GPI: variants seen among roughly 807,000 people sequenced by gnomAD.
GPI encodes glucose-6-phosphate isomerase, also known as D-hexose-6-phosphate anomerase.
Under a neutral mutation model 75.8 loss-of-function variants are expected in GPI, and 56 were observed. That is an observed-to-expected ratio of 0.74 (90% CI 0.60 to 0.92). The LOEUF is 0.92. Ranked by LOEUF, GPI falls within the 40% of genes least tolerant of loss-of-function variation. The probability of loss-of-function intolerance (pLI) is 0.00; values close to 1 mark genes in which losing one functional copy is unlikely to be tolerated. For missense variants in GPI, 638 were observed against 741.0 expected (o/e 0.86, Z 1.61); for synonymous variants, 288 against 285.4 (o/e 1.01, Z -0.09).
chr19:34,374,597 A>G (rs2074504836), intron 4 of GPI, among the ~76,000 whole-genome samples: 1 of 152,178 alleles, frequency 6.6e-6, no homozygotes, highest in African/African-American at 2.4e-5. Flanking sequence ...GTTCCTTTCA[A>G]TCTGAAGACA....
chr19:34,367,194 A>G (rs1271655048), intron 3 of GPI: 1 of 395,640 alleles, frequency 2.5e-6, no homozygotes, highest in Admixed American at 3.5e-5. Flanking sequence ...ATCTTAGATC[A>G]CCAAAGACTT....
chr19:34,366,910 C>A, intron 3 of GPI, 59 bp downstream of exon 3: 2 of 1,217,452 alleles, frequency 1.6e-6, no homozygotes, highest in Non-Finnish European at 2.4e-6. Context: ...GTTTATCTGA[C>A]TGTTAGCCGC....
At chr19:34,382,802 T>G (rs941496427) in intron 9 of GPI, among the ~76,000 whole-genome samples, 3 of 152,134 alleles carry the variant, frequency 2.0e-5, no homozygotes, top group African/African-American at 7.2e-5. Context: ...CTAGGAATGA[T>G]AGCTGGACAC....
chr19:34,365,615 G>C, intron 1 of GPI: 1 of 750,500 alleles, frequency 1.3e-6, no homozygotes, highest in Admixed American at 2.1e-5. Flanking sequence ...GGTCTGCTTC[G>C]TTACGAGGAA....
chr19:34,389,093 TAAAAAAA>T (rs879353746), intron 9 of GPI, among the ~76,000 whole-genome samples: 1 of 147,166 alleles, frequency 6.8e-6, no homozygotes, highest in African/African-American at 2.5e-5. Context: ...CCCTGTCTCT[TAAAAAAA>T]AAAGAAAAAA....
At chr19:34,361,292 C>G (rs1352734574), upstream of GPI, among the ~76,000 whole-genome samples, 1 of 152,008 alleles carries the variant, frequency 6.6e-6, no homozygotes, top group African/African-American at 2.4e-5. Flanking sequence ...GGGGGTTTCA[C>G]CATGTTGCTC....
At chr19:34,367,625 C>T (rs373434479) in intron 3 of GPI, among the ~76,000 whole-genome samples, 2 of 152,202 alleles carry the variant, frequency 1.3e-5, no homozygotes, top group Non-Finnish European at 2.9e-5. Context: ...TGATCCTTTT[C>T]CTGCCCACCT....
At position 34,400,583 on chromosome 19, in the gene GPI, TTG is replaced by T; in HGVS notation, c.*548_*549del. ...CTCCTCACCTCTGTGACTGCAGAAA[TTG>T]GATACTCTGTTCACTCGATGGTTCT... On this transcript the variant is annotated 3_prime_UTR_variant, in exon 18 of 18. Coordinates refer to ENST00000356487, the MANE Select transcript of GPI (RefSeq NM_000175.5). 6 of 430,720 alleles carry T rather than the reference TTG, an allele frequency of 1.4e-5. No individual in the cohort carries two copies. The highest frequency in any genetic ancestry group is 2.0e-5 in the Non-Finnish European group (5 of 244,252). 26.7% of individuals were successfully genotyped at this position (430,720 alleles called of 1,614,324 possible). A position where few individuals can be genotyped will look rare whatever the true frequency, so the allele number is the denominator to read the frequency against.
chr19:34,376,051 G>A lies in GPI; in HGVS notation c.403-1452G>A, dbSNP rs1048613228. Among the ~76,000 whole-genome samples, 3 of 152,210 alleles carry A rather than the reference G, an allele frequency of 2.0e-5. No homozygotes were observed. The South Asian group carries it at 6.2e-4, about 32-fold the overall frequency. ...TTTTGCAAATTCTGACAGTGTCGCT[G>A]TAAGGTAGGGATGTCTCACTGTTGT... On this transcript the variant is annotated intron_variant, in intron 4 of 17. Transcript: ENST00000356487.
chr19:34,390,253 C>T (rs1345040851), intron 9 of GPI, among the ~76,000 whole-genome samples: 1 of 140,920 alleles, frequency 7.1e-6, no homozygotes, highest in Non-Finnish European at 1.6e-5. Context: ...AGGCACTGGG[C>T]CACTGTTCAA....
chr19:34,381,133 C>G, intron 8 of GPI: 1 of 426,352 alleles, frequency 2.3e-6, no homozygotes, highest in African/African-American at 2.0e-5. Flanking sequence ...GTATCATGCT[C>G]TGGTGTCCCA....
chr19:34,395,824 G>A (rs1401120015), intron 12 of GPI, among the ~76,000 whole-genome samples: 1 of 152,176 alleles, frequency 6.6e-6, no homozygotes, highest in East Asian at 1.9e-4. Context: ...ATCTGGGCAG[G>A]ACTTTGGCAT....
intron 4 of GPI, among the ~76,000 whole-genome samples, chr19:34,374,441 G>A (rs776525327): frequency 6.6e-6 from 1 of 152,096 alleles, no homozygotes; most frequent in Non-Finnish European, 1.5e-5. Context: ...GGCGCCTAGT[G>A]ATTGATTTTG....
In GPI at chr19:34,399,183, C is replaced by G. The variant is rs374396579; in HGVS notation, c.1270-24C>G. ...CTGAAGCCCAGACAGTGCTCTCAAG[C>G]ATAACTGATGTCTCGCTCATCAGAT... On this transcript the variant is annotated intron_variant, in intron 14 of 17. Coordinates refer to ENST00000356487, the MANE Select transcript of GPI (RefSeq NM_000175.5). 2.5e-6 allele frequency: 4 copies of G among 1,607,618 alleles called. No homozygotes were observed. The African/African-American group carries it at 5.3e-5, about 21-fold the overall frequency.
intron 7 of GPI, 81 bp from the exon 8 acceptor site, chr19:34,379,437 C>T (rs1285874506): frequency 8.5e-7 from 1 of 1,179,436 alleles, no homozygotes; most frequent in Non-Finnish European, 1.3e-6. Context: ...CCATGCAGGG[C>T]CTTGGTTCCT....
intron 3 of GPI, among the ~76,000 whole-genome samples, chr19:34,368,094 T>C (rs1208889333): frequency 1.3e-5 from 2 of 152,162 alleles, no homozygotes; most frequent in African/African-American, 4.8e-5. Flanking sequence ...CTGATTTTTG[T>C]ATTTTTAGTA....
upstream of GPI, chr19:34,365,180 C>A (rs1294486963): frequency 7.8e-7 from 1 of 1,289,300 alleles, no homozygotes; most frequent in Non-Finnish European, 9.8e-7. Flanking sequence ...AAGGCCGCCG[C>A]GCGCCCACGC....
In GPI at chr19:34,400,115, T is replaced by A; in HGVS notation, c.*79T>A. ...CCTCCCCGGAGCCGGCACTGCATGT[T>A]CCTGGACACCACCCAGAGCACCCTC... On this transcript the variant is annotated 3_prime_UTR_variant, in exon 18 of 18. Coordinates refer to ENST00000356487, the MANE Select transcript of GPI (RefSeq NM_000175.5). 1 of 1,457,196 alleles carries A rather than the reference T, an allele frequency of 6.9e-7. No homozygotes were observed. Among genetic ancestry groups the A allele is most frequent in the Non-Finnish European group, 9.5e-7 (1 of 1,051,602 alleles). The allele number at this position is 1,457,196 out of a possible 1,614,324, so 90.3% of individuals were successfully genotyped here.
In GPI at chr19:34,399,884, C is replaced by T; in HGVS notation, c.1542-17C>T. On this transcript the variant is annotated splice_polypyrimidine_tract_variant and intron_variant, in intron 17 of 17. Coordinates refer to ENST00000356487, the MANE Select transcript of GPI (RefSeq NM_000175.5). ...CCTTCCTCATACCACTCTTCCCTTCCCTTCCCTTCTTGGCAGAGTGGAGCT... is the reference window on the plus strand; with the variant it reads ...CCTTCCTCATACCACTCTTCCCTTCTCTTCCCTTCTTGGCAGAGTGGAGCT... The T allele has an allele frequency of 1.2e-6, 2 of 1,614,034 alleles. No individual in the cohort carries two copies. Among genetic ancestry groups the T allele is most frequent in the South Asian group, 1.1e-5 (1 of 91,074 alleles).
Sources: allele counts gnomAD v4.1 joint callset (sites outside exome capture counted in the v4.1 genomes callset), GRCh38; gene constraint gnomAD v4.1.1; transcripts MANE v1.5; gene names NCBI Gene and HGNC (gene_info 2026-07-23, HGNC 2026-07-21).